The following COL21A1 variants were observed in gnomAD, a reference collection of about 807,000 sequenced individuals.
COL21A1 encodes the protein collagen alpha-1(XXI) chain.
A neutral mutation model predicts 137.9 loss-of-function variants in COL21A1; 149 were observed. The ratio of observed to expected loss-of-function variants is 1.08; its 90% CI spans 0.95 to 1.24. The LOEUF (loss-of-function observed/expected upper bound fraction) is 1.24. Ranked by LOEUF, COL21A1 falls within the 50% of genes most tolerant of loss-of-function variation. The probability of loss-of-function intolerance (pLI) is 0.00; values close to 1 mark genes in which losing one functional copy is unlikely to be tolerated. For missense variants in COL21A1, 1,167 were observed against 1,158.4 expected (o/e 1.01, Z -0.11); for synonymous variants, 456 against 391.5 (o/e 1.16, Z -1.95).
At chr6:56,290,498 G>GGTTTTTTTTT (rs371058894) in intron 1 of COL21A1, among the ~76,000 whole-genome samples, 68 of 132,950 alleles carry the variant, frequency 5.1e-4, no homozygotes, top group Non-Finnish European at 5.4e-4. Context: ...TCACTTAGGA[G>GGTTTTTTTTT]ATTTTTTTTT....
At chr6:56,236,178 T>C (rs1781883916) in intron 1 of COL21A1, among the ~76,000 whole-genome samples, 3 of 151,980 alleles carry the variant, frequency 2.0e-5, no homozygotes, top group Non-Finnish European at 4.4e-5. Flanking sequence ...AGAAGTGGTT[T>C]CAGAATATGA....
At chr6:56,307,526 C>T (rs1185584847) in intron 1 of COL21A1, among the ~76,000 whole-genome samples, 1 of 152,232 alleles carries the variant, frequency 6.6e-6, no homozygotes, top group Admixed American at 6.5e-5. Flanking sequence ...CCAAGCCAGG[C>T]ACGGGATATA....
chr6:56,207,442 T>C (rs1779866492), intron 1 of COL21A1, among the ~76,000 whole-genome samples: 1 of 152,086 alleles, frequency 6.6e-6, no homozygotes, highest in Non-Finnish European at 1.5e-5. Flanking sequence ...GTAGAATAAA[T>C]GGATAAATAC....
In COL21A1 at chr6:56,159,309, G is replaced by A. The variant is rs570230394; in HGVS notation, c.1372-2360C>T. On this transcript the variant is annotated intron_variant, in intron 9 of 29. Coordinates refer to ENST00000244728, the MANE Select transcript of COL21A1 (RefSeq NM_030820.4). The stretch of plus-strand genomic sequence containing the variant: ...TTAGTCTTCATTTATCACTTGGATT[G>A]AGACTGTAGCAAAGTCTGAATTACA... Among the ~76,000 whole-genome samples the A allele has an allele frequency of 2.6e-5, 4 of 151,316 alleles. No homozygotes were observed. The East Asian group carries it at 7.8e-4, about 30-fold the overall frequency.
intron 12 of COL21A1, chr6:56,126,738 T>A (rs1773078352): frequency 6.6e-6 from 1 of 152,184 alleles, no homozygotes; most frequent in Non-Finnish European, 1.5e-5. Flanking sequence ...TTCAGTGGGA[T>A]ATGTTGGATG....
At chr6:56,209,011 T>TA (rs1387993039) in intron 1 of COL21A1, among the ~76,000 whole-genome samples, 3 of 152,136 alleles carry the variant, frequency 2.0e-5, no homozygotes, top group Admixed American at 6.6e-5. Context: ...TTACATCTTA[T>TA]AAAAAAATTA....
intron 1 of COL21A1, among the ~76,000 whole-genome samples, chr6:56,252,905 A>G (rs1782885514): frequency 6.6e-6 from 1 of 152,188 alleles, no homozygotes; most frequent in Non-Finnish European, 1.5e-5. Flanking sequence ...GACAGGGGCC[A>G]CCTCTATCTC....
chr6:56,189,399 T>G (rs1208140494), intron 1 of COL21A1, among the ~76,000 whole-genome samples: 2 of 150,992 alleles, frequency 1.3e-5, no homozygotes, highest in South Asian at 4.2e-4. Flanking sequence ...TGAAATAAAG[T>G]GAAAAGACAA....
chr6:56,307,141 AT>A (rs1764480829), intron 1 of COL21A1, among the ~76,000 whole-genome samples: 1 of 152,126 alleles, frequency 6.6e-6, no homozygotes, highest in African/African-American at 2.4e-5. Context: ...CTACTGGGGG[AT>A]GCCTCCCAGT....
chr6:56,296,980 T>C (rs1294232462), intron 1 of COL21A1, among the ~76,000 whole-genome samples: 2 of 152,078 alleles, frequency 1.3e-5, no homozygotes, highest in African/African-American at 4.8e-5. Context: ...ATCCATGAGC[T>C]GTCTGAAGGC....
chr6:56,296,087 T>C (rs1764157881), intron 1 of COL21A1, among the ~76,000 whole-genome samples: 1 of 151,958 alleles, frequency 6.6e-6, no homozygotes, highest in Non-Finnish European at 1.5e-5. Flanking sequence ...ATGTTCTTTA[T>C]CAAGTTGAGG....
At chr6:56,197,638 T>C (rs1779110002) in intron 1 of COL21A1, among the ~76,000 whole-genome samples, 1 of 151,998 alleles carries the variant, frequency 6.6e-6, no homozygotes. Flanking sequence ...ATCAGGGAAA[T>C]GCAAATCAAA....
chr6:56,210,049 T>G (rs1456781164), intron 1 of COL21A1, among the ~76,000 whole-genome samples: 1 of 151,158 alleles, frequency 6.6e-6, no homozygotes, highest in African/African-American at 2.4e-5. Context: ...TAAGTAGGAG[T>G]TGAACAATGA....
intron 17 of COL21A1, among the ~76,000 whole-genome samples, chr6:56,098,708 A>T (rs75997785): frequency 3.7e-5 from 3 of 80,632 alleles, no homozygotes; most frequent in Admixed American, 2.0e-4. Flanking sequence ...TATATATATA[A>T]ATATATATAA....
chr6:56,164,458 A>C lies in COL21A1; in HGVS notation c.1336T>G (p.Cys446Gly), dbSNP rs1235791087. Reference protein sequence around the residue: ...DVGSTPAPCICPPGKPGLQGP... With the variant: ...DVGSTPAPCIGPPGKPGLQGP... The stretch of plus-strand genomic sequence containing the variant: ...TGAAGTCCTGGTTTTCCCGGAGGAC[A>C]AATACAGGGAGCTGGAGTTGAACCT... The change falls in exon 9 of 30, where the codon TGT becomes GGT. Residue 446 changes from cysteine to glycine, a missense_variant. By Grantham distance (159) the Cys-to-Gly change is radical (BLOSUM62 -3). Coordinates refer to ENST00000244728, the MANE Select transcript of COL21A1 (RefSeq NM_030820.4). The C allele has an allele frequency of 1.9e-6, 3 of 1,590,510 alleles. No individual in the cohort carries two copies. The highest frequency in any genetic ancestry group is 1.6e-4 in the Middle Eastern group (1 of 6,064).
At position 56,077,512 on chromosome 6, in the gene COL21A1, C is replaced by T. The variant is rs148582315; in HGVS notation, c.1857+17G>A. On this transcript the variant is annotated intron_variant, in intron 18 of 29. Transcript: ENST00000244728. ...TGAGCAGATCCAGGCCCAAAGCTAA[C>T]TCTCATGAATACTTACCTTTTGGCC... 2.8e-5 allele frequency: 44 copies of T among 1,555,584 alleles called. No homozygotes were observed. The highest frequency in any genetic ancestry group is 3.4e-4 in the Middle Eastern group (2 of 5,876).
intron 1 of COL21A1, among the ~76,000 whole-genome samples, chr6:56,212,377 T>C (rs1780225063): frequency 6.6e-6 from 1 of 152,066 alleles, no homozygotes; most frequent in African/African-American, 2.4e-5. Context: ...TTACTGTGAA[T>C]ATACACTACT....
chr6:56,067,302 C>G lies in COL21A1; in HGVS notation c.2120G>C (p.Gly707Ala). Residue 707 changes from glycine (G) to alanine (A), a missense_variant, in exon 23 of 30, where the codon GGT becomes GCT. Transcript: ENST00000244728. ...KGDKGNQGEK[G>A]IQGQKGENGR... ...AAAAAGCAAACAACATACCTGAATA[C>G]CTTTTTCACCTTGATTTCCTTTGTC... The G allele has an allele frequency of 6.2e-7, 1 of 1,608,712 alleles. No homozygotes were observed. Among genetic ancestry groups the G allele is most frequent in the Non-Finnish European group, 8.5e-7 (1 of 1,176,616 alleles).
At chr6:56,166,750 A>T (rs559936222) in intron 7 of COL21A1, 156 bp downstream of exon 7, 40 of 710,076 alleles carry the variant, frequency 5.6e-5, no homozygotes, top group African/African-American at 5.4e-4. Context: ...ATAACCTCAA[A>T]ATATGTTTTG....
Sources: gnomAD v4.1 joint callset for allele counts (sites outside exome capture counted in the v4.1 genomes callset) on GRCh38, gnomAD v4.1.1 for gene constraint, MANE v1.5 for transcripts, NCBI Gene and HGNC (gene_info 2026-07-23, HGNC 2026-07-21) for gene names.